CA10: variants seen among roughly 807,000 people sequenced by gnomAD.
CA10 encodes the protein carbonic anhydrase 10 (inactive).
A neutral mutation model predicts 44.2 loss-of-function variants in CA10; 14 were observed. That is an observed-to-expected ratio of 0.32 (90% confidence interval 0.21 to 0.50). CA10 has a LOEUF of 0.50. Among genes scored for constraint, CA10 ranks in the 20% least tolerant of loss-of-function variants. CA10 has a pLI of 0.99. For missense variants in CA10, 350 were observed against 409.7 expected (o/e 0.85, Z 1.26); for synonymous variants, 159 against 141.6 (o/e 1.12, Z -0.87).
At chr17:51,946,304 A>G (rs1327067595) in intron 2 of CA10, among the ~76,000 whole-genome samples, 1 of 152,176 alleles carries the variant, frequency 6.6e-6, no homozygotes, top group Admixed American at 6.5e-5. Context: ...AAGTGTTTTC[A>G]CCACAAAAAA....
At chr17:51,714,375 T>C (rs1916032804) in intron 4 of CA10, among the ~76,000 whole-genome samples, 3 of 152,206 alleles carry the variant, frequency 2.0e-5, no homozygotes, top group Non-Finnish European at 4.4e-5. Flanking sequence ...GTAAAATGGG[T>C]ACAATAATAC....
intron 3 of CA10, among the ~76,000 whole-genome samples, chr17:51,879,587 T>C (rs550928400): frequency 6.6e-6 from 1 of 152,292 alleles, no homozygotes; most frequent in East Asian, 1.9e-4. Flanking sequence ...CAGGAGTAGA[T>C]AGAAACGTTG....
intron 6 of CA10, among the ~76,000 whole-genome samples, chr17:51,643,897 C>T (rs1185897136): frequency 1.3e-5 from 2 of 152,186 alleles, no homozygotes; most frequent in African/African-American, 4.8e-5. Flanking sequence ...TCAACGTCAG[C>T]ATTAATATCT....
At chr17:52,085,463 C>T (rs1488105080) in intron 1 of CA10, among the ~76,000 whole-genome samples, 2 of 152,182 alleles carry the variant, frequency 1.3e-5, no homozygotes, top group African/African-American at 4.8e-5. Context: ...TTTACACAGC[C>T]AGGTCCAAAC....
intron 1 of CA10, among the ~76,000 whole-genome samples, chr17:52,138,732 T>A (rs893917399): frequency 6.6e-6 from 1 of 152,098 alleles, no homozygotes; most frequent in African/African-American, 2.4e-5. Flanking sequence ...GTGGCAGGAG[T>A]CTTTTTTTAG....
intron 1 of CA10, among the ~76,000 whole-genome samples, chr17:52,104,693 A>G (rs1988619657): frequency 6.6e-6 from 1 of 152,110 alleles, no homozygotes; most frequent in South Asian, 2.1e-4. Flanking sequence ...ACTCCACGGC[A>G]CAACAAGTGA....
At chr17:52,157,064 A>C (rs1284727305) in intron 1 of CA10, among the ~76,000 whole-genome samples, 1 of 152,206 alleles carries the variant, frequency 6.6e-6, no homozygotes, top group Non-Finnish European at 1.5e-5. Flanking sequence ...GTAGACTGAG[A>C]GGTCTGAGCC....
intron 1 of CA10, among the ~76,000 whole-genome samples, chr17:52,148,924 GA>G (rs891760821): frequency 4.7e-4 from 71 of 152,102 alleles, no homozygotes; most frequent in African/African-American, 1.7e-3. Context: ...TTAACACTGG[GA>G]AAAAAATCTT....
At chr17:52,118,755 T>C (rs1450379846) in intron 1 of CA10, among the ~76,000 whole-genome samples, 1 of 152,220 alleles carries the variant, frequency 6.6e-6, no homozygotes, top group Non-Finnish European at 1.5e-5. Context: ...GTTAAGTTAT[T>C]GTAAACCACA....
rs137900053 is a variant in CA10, at chr17:52,063,464, C to T, written c.136+8855G>A. ...TCAAACCTCATGTTGAAATTTGATT[C>T]GCAATGTTGCAGGTGGGGTCTAATG... On this transcript the variant is annotated intron_variant, in intron 2 of 8. Transcript: ENST00000451037. Among the ~76,000 whole-genome samples the T allele has an allele frequency of 4.5e-4, 68 of 152,228 alleles. No individual in the cohort carries two copies. In the East Asian group the frequency reaches 7.3e-3, roughly 16 times the overall value.
chr17:51,831,489 T>G (rs1234114466), intron 3 of CA10, among the ~76,000 whole-genome samples: 1 of 152,146 alleles, frequency 6.6e-6, no homozygotes, highest in Non-Finnish European at 1.5e-5. Context: ...TATCTTCCCA[T>G]GTTTTGTGAG....
At chr17:51,671,725 C>T (rs1018943805) in intron 4 of CA10, among the ~76,000 whole-genome samples, 25 of 152,136 alleles carry the variant, frequency 1.6e-4, no homozygotes, top group Non-Finnish European at 2.9e-5. Context: ...TTTATCCATG[C>T]GGTTTGTCTC....
chr17:51,868,729 A>G (rs1478972421), intron 3 of CA10, among the ~76,000 whole-genome samples: 1 of 152,018 alleles, frequency 6.6e-6, no homozygotes, highest in Non-Finnish European at 1.5e-5. Flanking sequence ...ACCTTCCTTT[A>G]CAAATAACAC....
chr17:51,714,598 T>C (rs1329128700), intron 4 of CA10, among the ~76,000 whole-genome samples: 3 of 152,188 alleles, frequency 2.0e-5, no homozygotes, highest in Non-Finnish European at 4.4e-5. Context: ...ACACACTGGT[T>C]TCAAACATGG....
At chr17:51,752,692 G>T (rs1904929809) in intron 3 of CA10, among the ~76,000 whole-genome samples, 3 of 152,148 alleles carry the variant, frequency 2.0e-5, no homozygotes, top group Non-Finnish European at 4.4e-5. Flanking sequence ...ATTTTGGGAG[G>T]TCGAGGCAGG....
intron 6 of CA10, among the ~76,000 whole-genome samples, chr17:51,636,772 A>T (rs1912843745): frequency 1.7e-5 from 1 of 57,392 alleles, no homozygotes; most frequent in Admixed American, 1.9e-4. Flanking sequence ...ACAACTGATT[A>T]TTTTGTGTGT....
At chr17:51,934,880 G>T (rs1982803319) in intron 2 of CA10, among the ~76,000 whole-genome samples, 1 of 152,126 alleles carries the variant, frequency 6.6e-6, no homozygotes, top group African/African-American at 2.4e-5. Flanking sequence ...ACCAGACTAG[G>T]TCTGCAAATG....
intron 3 of CA10, among the ~76,000 whole-genome samples, chr17:51,810,319 A>C (rs1026003675): frequency 2.0e-5 from 3 of 152,226 alleles, no homozygotes; most frequent in Non-Finnish European, 4.4e-5. Context: ...CATTCACTAA[A>C]TATTTATTGA....
intron 3 of CA10, among the ~76,000 whole-genome samples, chr17:51,808,784 T>TA (rs1439889020): frequency 6.6e-6 from 1 of 152,226 alleles, no homozygotes; most frequent in Non-Finnish European, 1.5e-5. Flanking sequence ...TAAAGTATAC[T>TA]AAATGTCAAC....
Sources: gnomAD v4.1 joint callset for allele counts (sites outside exome capture counted in the v4.1 genomes callset) on GRCh38, gnomAD v4.1.1 for gene constraint, MANE v1.5 for transcripts, NCBI Gene and HGNC (gene_info 2026-07-23, HGNC 2026-07-21) for gene names.